Variants in TNS3 observed in about 807,000 individuals in gnomAD.
TNS3 encodes the protein tensin-3.
In TNS3, 45 loss-of-function variants were observed where a neutral mutation model predicts 140.9. The observed-to-expected ratio is 0.32, with a 90% CI of 0.25 to 0.41. TNS3 has a LOEUF of 0.41. TNS3 is among the 10% of genes least tolerant of loss of function. The probability of loss-of-function intolerance (pLI) is 1.00; values close to 1 mark genes in which losing one functional copy is unlikely to be tolerated. For synonymous variants in TNS3, 815 were observed against 788.4 expected (o/e 1.03, Z -0.56); for missense variants, 1,716 against 1,906.7 (o/e 0.90, Z 1.86).
chr7:47,391,825 C>T (rs1181737136), intron 16 of TNS3, among the ~76,000 whole-genome samples: 1 of 152,128 alleles, frequency 6.6e-6, no homozygotes, highest in Non-Finnish European at 1.5e-5. Context: ...TCTTGTGTGA[C>T]GAGGAGGTGG....
At chr7:47,295,264 C>T (rs1785942697) in intron 24 of TNS3, among the ~76,000 whole-genome samples, 1 of 152,192 alleles carries the variant, frequency 6.6e-6, no homozygotes, top group South Asian at 2.1e-4. Context: ...GTTATATACT[C>T]TCATCTAGAT....
intron 1 of TNS3, among the ~76,000 whole-genome samples, chr7:47,545,283 G>A (rs1799891270): frequency 7.9e-5 from 12 of 151,956 alleles, no homozygotes; most frequent in Admixed American, 7.9e-4. Flanking sequence ...GAGACTACAG[G>A]CATGCACCAC....
intron 27 of TNS3, among the ~76,000 whole-genome samples, chr7:47,285,912 C>T (rs114176755): frequency 0.032 from 4,941 of 152,168 alleles, 275 homozygotes; most frequent in African/African-American, 0.11. Flanking sequence ...CATGGAAAGA[C>T]GTCATCAGCA....
chr7:47,420,485 A>G (rs1304660889), intron 10 of TNS3, among the ~76,000 whole-genome samples: 1 of 152,162 alleles, frequency 6.6e-6, no homozygotes, highest in East Asian at 1.9e-4. Flanking sequence ...CAGAAAAGGG[A>G]AGAAACCCTC....
chr7:47,514,321 C>A (rs1295907641), intron 2 of TNS3, among the ~76,000 whole-genome samples: 2 of 152,192 alleles, frequency 1.3e-5, no homozygotes, highest in Non-Finnish European at 2.9e-5. Context: ...AATACTGCAC[C>A]TGGCCCAAAG....
intron 2 of TNS3, among the ~76,000 whole-genome samples, chr7:47,518,698 A>C (rs953429012): frequency 6.6e-6 from 1 of 152,178 alleles, no homozygotes; most frequent in African/African-American, 2.4e-5. Context: ...TAAATAAATA[A>C]ATAAATCATT....
At position 47,368,441 on chromosome 7, in the gene TNS3, G is replaced by T. The variant is rs375430449; in HGVS notation, c.2205C>A (p.Ser735Arg). ...TGCTTGCCCGGAGCCCACCTCCCAC[G>T]CTGTCTGGAGACACAGAGCCATTGG... ...SQANGSVSPD[S>R]VGGGLRASSR... The change falls in exon 17 of 31, where the codon AGC (serine) becomes AGA (arginine). Residue 735 changes from serine to arginine, a missense_variant. Coordinates refer to ENST00000311160, the MANE Select transcript of TNS3 (RefSeq NM_022748.12). 1 of 1,553,434 alleles carries T rather than the reference G, an allele frequency of 6.4e-7. No homozygotes were observed.
At chr7:47,386,539 C>A (rs1363269820) in intron 16 of TNS3, among the ~76,000 whole-genome samples, 2 of 152,220 alleles carry the variant, frequency 1.3e-5, no homozygotes, top group African/African-American at 4.8e-5. Flanking sequence ...GCAAAGTGGT[C>A]ACCCTGTCTC....
At chr7:47,348,071 T>C (rs1412528810) in intron 17 of TNS3, among the ~76,000 whole-genome samples, 1 of 152,230 alleles carries the variant, frequency 6.6e-6, no homozygotes, top group East Asian at 1.9e-4. Flanking sequence ...ACTCCAGTGC[T>C]CTTCAACACA....
intron 4 of TNS3, among the ~76,000 whole-genome samples, chr7:47,472,378 C>T (rs1384271862): frequency 2.6e-5 from 4 of 152,196 alleles, no homozygotes; most frequent in African/African-American, 7.2e-5. Flanking sequence ...TCTCATAGCA[C>T]GTCGTTTCCT....
At chr7:47,556,315 T>C (rs1024432620) in intron 1 of TNS3, among the ~76,000 whole-genome samples, 1 of 152,162 alleles carries the variant, frequency 6.6e-6, no homozygotes, top group Non-Finnish European at 1.5e-5. Flanking sequence ...TCAGCTACTC[T>C]AAGGAGGTTC....
rs773864703 is a variant in TNS3, at chr7:47,528,972, C to T, written c.-153+64G>A. 1.2e-4 allele frequency: 123 copies of T among 1,046,310 alleles called. 1 individual carries two copies. Among genetic ancestry groups the T allele is most frequent in the Non-Finnish European group, 1.4e-4 (111 of 804,518 alleles). 64.8% of individuals were successfully genotyped at this position (1,046,310 alleles called of 1,614,324 possible). ...TCGGAAACTCCTGAAAAAAAGTTTTCGTTTTGTTTCTTGTTTGTTTTGCTC... is the reference window on the plus strand; with the variant it reads ...TCGGAAACTCCTGAAAAAAAGTTTTTGTTTTGTTTCTTGTTTGTTTTGCTC... On this transcript the variant is annotated intron_variant, in intron 2 of 30. Coordinates refer to ENST00000311160, the MANE Select transcript of TNS3 (RefSeq NM_022748.12).
At chr7:47,334,159 C>A (rs1788489846) in intron 20 of TNS3, among the ~76,000 whole-genome samples, 1 of 152,138 alleles carries the variant, frequency 6.6e-6, no homozygotes, top group Admixed American at 6.5e-5. Context: ...TCACATGCTA[C>A]CACTCCTGAT....
At chr7:47,555,206 G>T (rs548799735) in intron 1 of TNS3, among the ~76,000 whole-genome samples, 1 of 151,488 alleles carries the variant, frequency 6.6e-6, no homozygotes, top group Non-Finnish European at 1.5e-5. Flanking sequence ...TTCCAGACTA[G>T]CCTGGCCAAC....
intron 1 of TNS3, among the ~76,000 whole-genome samples, chr7:47,562,516 AG>A (rs1177440441): frequency 6.6e-6 from 1 of 151,724 alleles, no homozygotes; most frequent in East Asian, 1.9e-4. Context: ...CCTCCCAAGT[AG>A]CTGGGATTAC....
At chr7:47,386,263 T>A (rs1584534718) in intron 16 of TNS3, among the ~76,000 whole-genome samples, 1 of 152,058 alleles carries the variant, frequency 6.6e-6, no homozygotes, top group South Asian at 2.1e-4. Context: ...CTGGAGGGGG[T>A]CCCCCCACAT....
intron 9 of TNS3, 144 bp from the exon 10 acceptor site, chr7:47,424,328 A>C: frequency 1.5e-6 from 1 of 664,098 alleles, no homozygotes; most frequent in South Asian, 1.9e-5. Context: ...TGCACACCCA[A>C]TCCACCTGTC....
intron 10 of TNS3, among the ~76,000 whole-genome samples, chr7:47,421,822 A>G (rs531330918): frequency 8.6e-4 from 131 of 152,304 alleles, no homozygotes; most frequent in African/African-American, 3.0e-3. Context: ...CAGTGTAACA[A>G]AGATTGACCT....
chr7:47,455,481 A>G (rs977494051), intron 4 of TNS3, among the ~76,000 whole-genome samples: 2 of 152,072 alleles, frequency 1.3e-5, no homozygotes, highest in Admixed American at 6.5e-5. Context: ...CCTGGAAACA[A>G]CAAGCAGAGA....
Sources: gnomAD v4.1 joint callset for allele counts (sites outside exome capture counted in the v4.1 genomes callset) on GRCh38, gnomAD v4.1.1 for gene constraint, MANE v1.5 for transcripts, NCBI Gene and HGNC (gene_info 2026-07-23, HGNC 2026-07-21) for gene names.